The following BORCS5 variants were observed in gnomAD, a reference collection of about 807,000 sequenced individuals.
The protein encoded by BORCS5 is BLOC-1 related complex subunit 5.
BORCS5 carries 17 observed loss-of-function variants against 22.1 expected under a neutral mutation model. The ratio of observed to expected loss-of-function variants is 0.77; its 90% CI spans 0.53 to 1.15. BORCS5 has a LOEUF of 1.15. BORCS5 is among the 50% of genes most tolerant of loss of function. The probability of loss-of-function intolerance (pLI) is 0.00; values close to 1 mark genes in which losing one functional copy is unlikely to be tolerated. For synonymous variants in BORCS5, 117 were observed against 99.8 expected (o/e 1.17, Z -1.03); for missense variants, 247 against 253.2 (o/e 0.98, Z 0.17).
intron 3 of BORCS5, chr12:12,452,264 A>G: frequency 1.3e-6 from 1 of 771,540 alleles, no homozygotes; most frequent in Non-Finnish European, 2.2e-6. Flanking sequence ...TATTTTGTGC[A>G]CCAATTTGTG....
chr12:12,371,159 C>A (rs1016800475), intron 2 of BORCS5, among the ~76,000 whole-genome samples: 20 of 152,138 alleles, frequency 1.3e-4, no homozygotes, highest in African/African-American at 4.3e-4. Context: ...GCTCTAGAAT[C>A]GGGTATTTCT....
intron 2 of BORCS5, among the ~76,000 whole-genome samples, chr12:12,369,524 A>G (rs189527211): frequency 6.6e-6 from 1 of 151,888 alleles, no homozygotes; most frequent in Admixed American, 6.6e-5. Flanking sequence ...TTTTTTTAGT[A>G]TGTATTCCAT....
intron 2 of BORCS5, among the ~76,000 whole-genome samples, chr12:12,425,777 T>A (rs1225753126): frequency 6.6e-6 from 1 of 152,212 alleles, no homozygotes; most frequent in Non-Finnish European, 1.5e-5. Context: ...AGGAATGAGA[T>A]CATTTCTTTG....
chr12:12,363,628 T>G (rs911326113), intron 2 of BORCS5, among the ~76,000 whole-genome samples: 1 of 151,994 alleles, frequency 6.6e-6, no homozygotes, highest in Non-Finnish European at 1.5e-5. Context: ...TCCCAGCTAC[T>G]TGGGAGGGTG....
intron 2 of BORCS5, among the ~76,000 whole-genome samples, chr12:12,412,577 T>C (rs1941763783): frequency 6.6e-6 from 1 of 152,204 alleles, no homozygotes; most frequent in African/African-American, 2.4e-5. Flanking sequence ...AGACATAATT[T>C]AACTTCTTTC....
intron 2 of BORCS5, among the ~76,000 whole-genome samples, chr12:12,414,941 T>C: frequency 7.6e-6 from 1 of 130,722 alleles, no homozygotes; most frequent in Non-Finnish European, 1.7e-5. Flanking sequence ...TCCCCACATC[T>C]CAGACGATGG....
intron 2 of BORCS5, among the ~76,000 whole-genome samples, chr12:12,386,016 T>G (rs1190224064): frequency 6.6e-6 from 1 of 150,956 alleles, no homozygotes; most frequent in Non-Finnish European, 1.5e-5. Flanking sequence ...TTTTTTTTTT[T>G]TGGAGATGGA....
intron 2 of BORCS5, among the ~76,000 whole-genome samples, chr12:12,365,315 T>G (rs907393637): frequency 1.3e-5 from 2 of 151,756 alleles, no homozygotes; most frequent in Non-Finnish European, 2.9e-5. Flanking sequence ...GACTACAGTG[T>G]GCACCACCAC....
intron 2 of BORCS5, among the ~76,000 whole-genome samples, chr12:12,425,207 A>G (rs1246040206): frequency 3.3e-5 from 5 of 152,204 alleles, no homozygotes; most frequent in Non-Finnish European, 7.3e-5. Flanking sequence ...TGCTATTATG[A>G]TGACAGCTGA....
Position 12,408,537 on chromosome 12 carries a change from C to T in BORCS5, c.203-27091C>T, listed in dbSNP as rs114005574. Among the ~76,000 whole-genome samples, 1,002 of 152,266 alleles carry T rather than the reference C, an allele frequency of 6.6e-3. 14 individuals are homozygous for T. Among genetic ancestry groups the T allele is most frequent in the African/African-American group, 0.023 (942 of 41,550 alleles). On this transcript the variant is annotated intron_variant, in intron 2 of 3. Transcript: ENST00000314565. ...TCTTGCAAACCTGAAACTCTATATC[C>T]GTTAAACAGCAACTTCCTATCCTCT...
At chr12:12,366,177 C>T (rs1863402879) in intron 2 of BORCS5, among the ~76,000 whole-genome samples, 1 of 152,206 alleles carries the variant, frequency 6.6e-6, no homozygotes, top group Admixed American at 6.5e-5. Context: ...CTGTACCCCC[C>T]AGGTTTGATT....
chr12:12,465,715 T>A lies in BORCS5; in HGVS notation c.530T>A (p.Leu177Gln). ...CTGCTGGACAGGCTCAACAGCATGC[T>A]GCCCGAGGGCGAGCGGCTGGAGCCC... ...VPLLDRLNSM[L>Q]PEGERLEPFS... The change falls in exon 4 of 4, where the codon CTG (leucine) becomes CAG (glutamine). Residue 177 changes from leucine (L) to glutamine (Q), a missense_variant. Leu to Gln is a moderately radical substitution (Grantham distance 113). Coordinates refer to ENST00000314565, the MANE Select transcript of BORCS5 (RefSeq NM_058169.6). The A allele has an allele frequency of 1.2e-6, 2 of 1,614,162 alleles. No individual in the cohort carries two copies. Among genetic ancestry groups the A allele is most frequent in the Non-Finnish European group, 1.7e-6 (2 of 1,180,036 alleles).
chr12:12,401,840 C>T (rs574399943), intron 2 of BORCS5, among the ~76,000 whole-genome samples: 29 of 151,866 alleles, frequency 1.9e-4, no homozygotes, highest in Non-Finnish European at 4.0e-4. Context: ...GGGCGGATCA[C>T]GAGGTCAGAA....
At chr12:12,412,043 A>G (rs1941748527) in intron 2 of BORCS5, among the ~76,000 whole-genome samples, 1 of 152,154 alleles carries the variant, frequency 6.6e-6, no homozygotes, top group Non-Finnish European at 1.5e-5. Flanking sequence ...AAGTTTTGAA[A>G]TCAGGAAGAG....
chr12:12,428,469 C>G (rs910043303), intron 2 of BORCS5, among the ~76,000 whole-genome samples: 1 of 152,172 alleles, frequency 6.6e-6, no homozygotes, highest in Non-Finnish European at 1.5e-5. Flanking sequence ...GGAAATATCT[C>G]CAGTATTTAC....
intron 2 of BORCS5, among the ~76,000 whole-genome samples, chr12:12,417,804 G>A (rs1204338821): frequency 6.6e-6 from 1 of 151,792 alleles, no homozygotes; most frequent in Non-Finnish European, 1.5e-5. Flanking sequence ...ATCATACCCA[G>A]TTAATTTTTA....
intron 2 of BORCS5, among the ~76,000 whole-genome samples, chr12:12,389,456 T>G (rs1863953995): frequency 2.0e-5 from 3 of 149,122 alleles, no homozygotes; most frequent in Admixed American, 1.3e-4. Context: ...ATATTTTTAA[T>G]GCACATTTAC....
At chr12:12,373,177 T>G (rs1444466638) in intron 2 of BORCS5, among the ~76,000 whole-genome samples, 2 of 152,180 alleles carry the variant, frequency 1.3e-5, no homozygotes, top group Non-Finnish European at 2.9e-5. Flanking sequence ...CTTAGCCATG[T>G]GAGGACACAA....
At chr12:12,396,079 C>T (rs1286005782) in intron 2 of BORCS5, among the ~76,000 whole-genome samples, 1 of 152,068 alleles carries the variant, frequency 6.6e-6, no homozygotes, top group African/African-American at 2.4e-5. Context: ...ACTCCGCCCC[C>T]TGGGTTCAAG....
Sources: gnomAD v4.1 joint callset for allele counts (sites outside exome capture counted in the v4.1 genomes callset) on GRCh38, gnomAD v4.1.1 for gene constraint, MANE v1.5 for transcripts, NCBI Gene and HGNC (gene_info 2026-07-23, HGNC 2026-07-21) for gene names.